The following ACTN4 variants were observed in gnomAD, a reference collection of about 807,000 sequenced individuals.
ACTN4 encodes alpha-actinin-4.
In ACTN4, 18 loss-of-function variants were observed where a neutral mutation model predicts 114.2. That is an observed-to-expected ratio of 0.16 (90% CI 0.11 to 0.23). ACTN4 has a LOEUF of 0.23. Among genes scored for constraint, ACTN4 ranks in the 10% least tolerant of loss-of-function variants. The pLI, the probability that ACTN4 is intolerant of heterozygous loss-of-function variation, is 1.00. For missense variants in ACTN4, 722 were observed against 1,262.9 expected, an observed-to-expected ratio of 0.57 and a Z score of 6.49; for synonymous variants, 515 against 506.3, an observed-to-expected ratio of 1.02 and a Z score of -0.23.
intron 5 of ACTN4, among the ~76,000 whole-genome samples, chr19:38,706,703 G>A (rs914283063): frequency 4.6e-5 from 7 of 152,230 alleles, no homozygotes; most frequent in Non-Finnish European, 8.8e-5. Flanking sequence ...ACAGATGTGA[G>A]CCACTGCCTG....
intron 1 of ACTN4, among the ~76,000 whole-genome samples, chr19:38,674,610 C>A (rs1201878920): frequency 6.6e-6 from 1 of 152,196 alleles, no homozygotes; most frequent in Non-Finnish European, 1.5e-5. Context: ...TTTATCCCTA[C>A]CCTTACAGAT....
Position 38,727,063 on chromosome 19 carries a change from A to G in ACTN4, c.2297A>G (p.Gln766Arg). Residue 766 changes from glutamine (Q) to arginine (R), a missense_variant, in exon 18 of 21, where the codon CAG becomes CGG. Around this residue, in one of 3 missense-constraint regions of ACTN4, gnomAD observed 523 missense variants for 875.9 expected, o/e 0.60. Coordinates refer to ENST00000252699, the MANE Select transcript of ACTN4 (RefSeq NM_004924.6). This position sits in a 1 kb window ranked among gnomAD's most constrained non-coding sequence, Gnocchi z 5.4. ...TRDAKGISQEQMQEFRASFNH... is the reference protein window; with the variant it reads ...TRDAKGISQERMQEFRASFNH... ...GACGCCAAGGGCATCAGCCAGGAGC[A>G]GATGCAGGAGTTCCGGGCGTCCTTC... 1 of 1,614,158 alleles carries G rather than the reference A, an allele frequency of 6.2e-7. No individual in the cohort carries two copies. Among genetic ancestry groups the G allele is most frequent in the Non-Finnish European group, 8.5e-7 (1 of 1,180,032 alleles).
chr19:38,664,091 A>G (rs953482891), intron 1 of ACTN4, among the ~76,000 whole-genome samples: 2 of 152,198 alleles, frequency 1.3e-5, no homozygotes, highest in Non-Finnish European at 2.9e-5. Flanking sequence ...ATCGGCTCCC[A>G]GTCTGCTGGC....
At chr19:38,723,473 G>T in intron 12 of ACTN4, 141 bp from the exon 13 acceptor site, 1 of 724,322 alleles carries the variant, frequency 1.4e-6, no homozygotes, top group South Asian at 1.5e-5. Context: ...TGATTTGATT[G>T]ACCAATTAGT....
chr19:38,712,371 C>T (rs1968685143), intron 8 of ACTN4, among the ~76,000 whole-genome samples: 1 of 152,212 alleles, frequency 6.6e-6, no homozygotes, highest in Non-Finnish European at 1.5e-5. Context: ...GGGTGGGTCA[C>T]TTGACCTCAG....
intron 1 of ACTN4, among the ~76,000 whole-genome samples, chr19:38,653,130 G>A (rs970161097): frequency 2.7e-4 from 41 of 151,348 alleles, no homozygotes; most frequent in Non-Finnish European, 2.4e-4. Context: ...GCGGGGACAA[G>A]TTTTAAGTCT....
Position 38,717,911 on chromosome 19 carries a change from T to TCCTGC in ACTN4, c.1144-8_1144-4dup. On this transcript the variant is annotated splice_polypyrimidine_tract_variant and intron_variant, in intron 10 of 20. Coordinates refer to ENST00000252699, the MANE Select transcript of ACTN4 (RefSeq NM_004924.6). The surrounding 1 kb of genome is among the most constrained non-coding windows in gnomAD (Gnocchi z 4.0). ...ACTTCCTTGTGATAGCCCTGCCTGC[T>TCCTGC]CCTGCCCTGCCCCAGGACATCAACA... 2 of 1,581,074 alleles carry TCCTGC rather than the reference T, an allele frequency of 1.3e-6. No homozygotes were observed. Among genetic ancestry groups the TCCTGC allele is most frequent in the Non-Finnish European group, 8.6e-7 (1 of 1,162,684 alleles).
chr19:38,717,115 C>G lies in ACTN4; in HGVS notation c.942C>G (p.Pro314=), dbSNP rs757716490. 1.2e-6 allele frequency: 2 copies of G among 1,614,110 alleles called. No individual in the cohort carries two copies. Among genetic ancestry groups the G allele is most frequent in the Non-Finnish European group, 1.7e-6 (2 of 1,180,016 alleles). ...DLLEWIRRTI[P]WLEDRVPQKT... Reference sequence around the variant, plus strand: ...TGGAGTGGATCCGGCGCACCATCCCCTGGCTGGAGGACCGTGTGCCCCAAA... The same window carrying G: ...TGGAGTGGATCCGGCGCACCATCCCGTGGCTGGAGGACCGTGTGCCCCAAA... Residue 314 remains proline (P), a synonymous_variant, in exon 10 of 21, where the codon CCC becomes CCG. Coordinates refer to ENST00000252699, the MANE Select transcript of ACTN4 (RefSeq NM_004924.6). The surrounding 1 kb of genome is among the most constrained non-coding windows in gnomAD (Gnocchi z 4.0).
chr19:38,656,182 T>C (rs1976705941), intron 1 of ACTN4, among the ~76,000 whole-genome samples: 1 of 152,160 alleles, frequency 6.6e-6, no homozygotes, highest in South Asian at 2.1e-4. Flanking sequence ...TGGAACAATC[T>C]TGGCTCACTG....
chr19:38,730,621 T>C lies in ACTN4; in HGVS notation c.*1189T>C, dbSNP rs2145129831. The C allele has an allele frequency of 6.6e-6, 4 of 607,058 alleles. No homozygotes were observed. In the South Asian group the frequency reaches 7.8e-5, roughly 12 times the overall value. The allele number at this position is 607,058 out of a possible 1,614,324, so 37.6% of individuals were successfully genotyped here. A position where few individuals can be genotyped will look rare whatever the true frequency, so the allele number is the denominator to read the frequency against. On this transcript the variant is annotated 3_prime_UTR_variant, in exon 21 of 21. Transcript: ENST00000252699. ...GCAGAGCTAGCACTGTCTTAAGCTG[T>C]CAACGTGGACTAGCTCGTGTCATCT...
chr19:38,674,216 A>C (rs1266873477), intron 1 of ACTN4, among the ~76,000 whole-genome samples: 1 of 152,112 alleles, frequency 6.6e-6, no homozygotes, highest in African/African-American at 2.4e-5. Context: ...GGAGAGTTAG[A>C]GCCAACCTCA....
At chr19:38,661,306 C>T (rs1568678568) in intron 1 of ACTN4, among the ~76,000 whole-genome samples, 3 of 152,314 alleles carry the variant, frequency 2.0e-5, no homozygotes, top group South Asian at 4.1e-4. Flanking sequence ...GACGGCAGAA[C>T]ATGAATCAGC....
intron 19 of ACTN4, chr19:38,728,466 C>G (rs1969337459): frequency 3.0e-6 from 3 of 990,604 alleles, no homozygotes; most frequent in South Asian, 2.9e-5. Flanking sequence ...ACCTCTCCCC[C>G]TCACCGCCTC....
chr19:38,672,117 C>G (rs545620812), intron 1 of ACTN4, among the ~76,000 whole-genome samples: 6 of 152,190 alleles, frequency 3.9e-5, no homozygotes, highest in Non-Finnish European at 7.4e-5. Context: ...GAGAGTTTCT[C>G]GCTCTCCCTG....
In ACTN4 at chr19:38,725,915, C is replaced by T. The variant is rs1969217269; in HGVS notation, c.2190+12C>T. ...ACTATACCATGGAGGTGCGCGGCTGCCCCGCCCGCTGGCCTTTCCACCAGC... is the reference window on the plus strand; with the variant it reads ...ACTATACCATGGAGGTGCGCGGCTGTCCCGCCCGCTGGCCTTTCCACCAGC... On this transcript the variant is annotated intron_variant, in intron 17 of 20. Transcript: ENST00000252699. 6.2e-7 allele frequency: 1 copy of T among 1,613,400 alleles called. No homozygotes were observed. The highest frequency in any genetic ancestry group is 8.5e-7 in the Non-Finnish European group (1 of 1,180,026).
Position 38,714,568 on chromosome 19 carries a change from GT to G in ACTN4, c.912+9del. 4 of 1,613,846 alleles carry G rather than the reference GT, an allele frequency of 2.5e-6. No individual in the cohort carries two copies. Among genetic ancestry groups the G allele is most frequent in the Non-Finnish European group, 3.4e-6 (4 of 1,179,918 alleles). Reference sequence around the variant, plus strand: ...CGAGAAGCTGGCCAGCGACGTGAGTGTTCCCCCAGTGAAAGTCAGGGCCACC... The same window carrying G: ...CGAGAAGCTGGCCAGCGACGTGAGTGTCCCCCAGTGAAAGTCAGGGCCACC... On this transcript the variant is annotated splice_region_variant and intron_variant, in intron 9 of 20. Transcript: ENST00000252699.
chr19:38,668,019 C>T (rs1014672836), intron 1 of ACTN4, among the ~76,000 whole-genome samples: 1 of 152,172 alleles, frequency 6.6e-6, no homozygotes, highest in African/African-American at 2.4e-5. Flanking sequence ...GGAGTTATGT[C>T]TCTGGAGGTG....
intron 1 of ACTN4, among the ~76,000 whole-genome samples, chr19:38,698,218 G>A (rs1968155121): frequency 6.6e-6 from 1 of 152,136 alleles, no homozygotes; most frequent in Non-Finnish European, 1.5e-5. Context: ...TGCCATGCAC[G>A]CTGCAGGCAT....
At chr19:38,706,795 T>G (rs1968473750) in intron 5 of ACTN4, among the ~76,000 whole-genome samples, 1 of 152,180 alleles carries the variant, frequency 6.6e-6, no homozygotes, top group Admixed American at 6.5e-5. Flanking sequence ...TGGGGAAAAA[T>G]GTACTCTGTG....
Sources: gnomAD v4.1 joint callset for allele counts (sites outside exome capture counted in the v4.1 genomes callset) on GRCh38, gnomAD v4.1.1 for gene constraint, gnomAD v4.1.1 regional missense constraint, Gnocchi (gnomAD v3.1) non-coding constraint, MANE v1.5 for transcripts, NCBI Gene and HGNC (gene_info 2026-07-23, HGNC 2026-07-21) for gene names.